Variants in DNAJC16 observed in about 807,000 individuals in gnomAD.
DNAJC16 encodes the protein DnaJ heat shock protein family (Hsp40) member C16, also known as dnaJ homolog subfamily C member 16.
DNAJC16 carries 76 observed loss-of-function variants against 92.7 expected under a neutral mutation model. That is an observed-to-expected ratio of 0.82 (90% CI 0.68 to 0.99). The LOEUF (loss-of-function observed/expected upper bound fraction) is 0.99. Ranked by LOEUF, DNAJC16 falls within the 50% of genes least tolerant of loss-of-function variation. The pLI is 0.00. For synonymous variants in DNAJC16, 328 were observed against 358.7 expected (o/e 0.91, Z 0.97); for missense variants, 869 against 942.4 (o/e 0.92, Z 1.02).
intron 9 of DNAJC16, among the ~76,000 whole-genome samples, 184 bp downstream of exon 9, chr1:15,562,509 G>C (rs78289420): frequency 0.061 from 9,179 of 149,918 alleles, 378 homozygotes; most frequent in Non-Finnish European, 0.091. Context: ...TTTTGAGACA[G>C]GGTCTCACTC....
intron 2 of DNAJC16, among the ~76,000 whole-genome samples, chr1:15,530,939 C>T (rs145716723): frequency 0.011 from 1,605 of 152,332 alleles, 30 homozygotes; most frequent in African/African-American, 0.036. Context: ...CCGTCCACCT[C>T]GGCCTCCCAA....
At chr1:15,553,233 T>C (rs570317835) in intron 7 of DNAJC16, among the ~76,000 whole-genome samples, 2 of 152,042 alleles carry the variant, frequency 1.3e-5, no homozygotes, top group Non-Finnish European at 2.9e-5. Context: ...GCTTGTCTTT[T>C]GTTTTGTTTT....
chr1:15,533,547 G>C (rs1411965926), intron 2 of DNAJC16, among the ~76,000 whole-genome samples: 1 of 152,122 alleles, frequency 6.6e-6, no homozygotes, highest in Non-Finnish European at 1.5e-5. Context: ...AGAATCGCTT[G>C]AGCCTGGGAG....
intron 4 of DNAJC16, among the ~76,000 whole-genome samples, chr1:15,538,125 G>A (rs747679053): frequency 5.3e-5 from 8 of 152,138 alleles, no homozygotes; most frequent in Non-Finnish European, 8.8e-5. Flanking sequence ...TGCTGGGCAC[G>A]GTGGCTCATA....
intron 2 of DNAJC16, among the ~76,000 whole-genome samples, chr1:15,533,725 C>A (rs1710715520): frequency 6.6e-6 from 1 of 152,190 alleles, no homozygotes; most frequent in Non-Finnish European, 1.5e-5. Context: ...ATTTGAAAGT[C>A]AGGCACAAGT....
intron 7 of DNAJC16, among the ~76,000 whole-genome samples, chr1:15,553,707 C>T (rs1411207584): frequency 6.6e-6 from 1 of 152,116 alleles, no homozygotes; most frequent in Non-Finnish European, 1.5e-5. Context: ...GCCCAGAAGG[C>T]CCCTCCCTCC....
At chr1:15,541,409 C>T (rs965069292) in intron 4 of DNAJC16, among the ~76,000 whole-genome samples, 9 of 152,124 alleles carry the variant, frequency 5.9e-5, no homozygotes, top group African/African-American at 9.7e-5. Flanking sequence ...AATTTGGATT[C>T]TTGTTCTGCA....
chr1:15,526,914 A>G lies in DNAJC16; in HGVS notation c.-63A>G, dbSNP rs1460073906. ...GGGAAGCTCCCGGCCCGGCGAACTA[A>G]CTGGAGCACGGAGCTGCAGCCGGTT... On this transcript the variant is annotated 5_prime_UTR_variant, in exon 1 of 15. Coordinates refer to ENST00000375847, the MANE Select transcript of DNAJC16 (RefSeq NM_015291.4). The G allele has an allele frequency of 6.6e-6, 1 of 152,354 alleles. No individual in the cohort carries two copies. Among genetic ancestry groups the G allele is most frequent in the African/African-American group, 2.4e-5 (1 of 41,464 alleles). The allele number at this position is 152,354 out of a possible 1,614,324, so 9.4% of individuals were successfully genotyped here. A position where few individuals can be genotyped will look rare whatever the true frequency, so the allele number is the denominator to read the frequency against.
chr1:15,548,881 TGG>T (rs1638375908), intron 7 of DNAJC16, among the ~76,000 whole-genome samples: 1 of 152,154 alleles, frequency 6.6e-6, no homozygotes. Context: ...GTTAAAAAAC[TGG>T]GGGAATATTT....
chr1:15,551,197 A>G (rs1218896475), intron 7 of DNAJC16, among the ~76,000 whole-genome samples: 1 of 152,150 alleles, frequency 6.6e-6, no homozygotes, highest in African/African-American at 2.4e-5. Flanking sequence ...TGAAGCAGTA[A>G]GAAGTGTTAA....
intron 6 of DNAJC16, among the ~76,000 whole-genome samples, chr1:15,547,969 T>TA (rs760646496): frequency 2.0e-5 from 3 of 152,162 alleles, no homozygotes; most frequent in Non-Finnish European, 4.4e-5. Flanking sequence ...ACTGCCATCT[T>TA]ACCTAATTAC....
intron 3 of DNAJC16, among the ~76,000 whole-genome samples, chr1:15,535,556 G>A (rs1418737234): frequency 6.6e-6 from 1 of 152,062 alleles, no homozygotes; most frequent in African/African-American, 2.4e-5. Flanking sequence ...TTCAGGACCA[G>A]CCTAGACAAC....
chr1:15,538,414 A>G (rs1710845832), intron 4 of DNAJC16, among the ~76,000 whole-genome samples: 1 of 151,430 alleles, frequency 6.6e-6, no homozygotes, highest in South Asian at 2.1e-4. Context: ...AAATAAAAAG[A>G]AAAAAAGGAA....
At chr1:15,562,537 G>A (rs957804069) in intron 9 of DNAJC16, among the ~76,000 whole-genome samples, 1 of 150,974 alleles carries the variant, frequency 6.6e-6, no homozygotes, top group African/African-American at 2.4e-5. Context: ...CAGGCTGGGA[G>A]TGCAGTGACA....
At chr1:15,560,105 G>T (rs1355498982) in intron 8 of DNAJC16, 4 of 152,882 alleles carry the variant, frequency 2.6e-5, no homozygotes, top group African/African-American at 9.7e-5. Context: ...GACTGTGATG[G>T]TAATCATACT....
chr1:15,549,329 C>T (rs1259729926), intron 7 of DNAJC16, among the ~76,000 whole-genome samples: 1 of 152,168 alleles, frequency 6.6e-6, no homozygotes, highest in Non-Finnish European at 1.5e-5. Flanking sequence ...TTAAGAAAAG[C>T]ATACAGGCTG....
chr1:15,532,912 TC>T (rs1279974424), intron 2 of DNAJC16, among the ~76,000 whole-genome samples: 1 of 152,228 alleles, frequency 6.6e-6, no homozygotes, highest in Non-Finnish European at 1.5e-5. Context: ...GTGGTATAAT[TC>T]ATTCAAACAC....
Position 15,559,538 on chromosome 1 carries a change from A to G in DNAJC16, c.1036A>G (p.Lys346Glu). The change falls in exon 8 of 15, where the codon AAG (lysine) becomes GAG (glutamate). Residue 346 changes from lysine (K) to glutamate (E), a missense_variant. Lys to Glu is a moderately conservative substitution (Grantham distance 56). Transcript: ENST00000375847. ...GGTTTTTCTCTAGGCCCGAGGTATG[A>G]AGAAGCAAATCATTGACGACTTCAT... ...PADVIQARGMKKQIIDDFITR... is the reference protein window; with the variant it reads ...PADVIQARGMEKQIIDDFITR... 1 of 1,614,150 alleles carries G rather than the reference A, an allele frequency of 6.2e-7. No homozygotes were observed. The highest frequency in any genetic ancestry group is 8.5e-7 in the Non-Finnish European group (1 of 1,179,998).
chr1:15,550,210 G>A (rs566844018), intron 7 of DNAJC16, among the ~76,000 whole-genome samples: 80 of 152,362 alleles, frequency 5.3e-4, no homozygotes, highest in Non-Finnish European at 7.6e-4. Context: ...ATAGAAAAGA[G>A]AAGATAATCT....
Sources: allele counts gnomAD v4.1 joint callset (sites outside exome capture counted in the v4.1 genomes callset), GRCh38; gene constraint gnomAD v4.1.1; transcripts MANE v1.5; gene names NCBI Gene and HGNC (gene_info 2026-07-23, HGNC 2026-07-21).